The following RBFOX1 variants were observed in gnomAD, a reference collection of about 807,000 sequenced individuals.
RBFOX1 encodes RNA binding fox-1 homolog 1.
A neutral mutation model predicts 57.7 loss-of-function variants in RBFOX1; 8 were observed. That is an observed-to-expected ratio of 0.14 (90% CI 0.08 to 0.25). The LOEUF (loss-of-function observed/expected upper bound fraction) is 0.25, where lower values mean the gene tolerates loss of function less well. Among genes scored for constraint, RBFOX1 ranks in the 10% least tolerant of loss-of-function variants. RBFOX1 has a pLI of 1.00. For synonymous variants in RBFOX1, 326 were observed against 222.4 expected (o/e 1.47, Z -4.15); for missense variants, 611 against 548.5 (o/e 1.11, Z -1.14).
chr16:7,215,506 A>G (rs896308778), intron 4 of RBFOX1, among the ~76,000 whole-genome samples: 1 of 152,166 alleles, frequency 6.6e-6, no homozygotes, highest in African/African-American at 2.4e-5. Flanking sequence ...GCTTTATGAG[A>G]TACGATTTAC....
intron 4 of RBFOX1, among the ~76,000 whole-genome samples, chr16:7,447,929 T>C (rs1598642473): frequency 6.6e-6 from 1 of 152,236 alleles, no homozygotes; most frequent in Admixed American, 6.5e-5. Flanking sequence ...CTGCGTTAAA[T>C]ATGTACATTC....
chr16:6,790,503 G>T (rs1284632156), intron 3 of RBFOX1, among the ~76,000 whole-genome samples: 1 of 151,992 alleles, frequency 6.6e-6, no homozygotes, highest in African/African-American at 2.4e-5. Context: ...CGTTCTTTTT[G>T]TTTTGTTTGC....
intron 4 of RBFOX1, among the ~76,000 whole-genome samples, chr16:7,421,126 A>G (rs1380918244): frequency 1.3e-5 from 2 of 152,082 alleles, no homozygotes; most frequent in African/African-American, 2.4e-5. Context: ...GGTTGGGCCA[A>G]GGTGGAGAAG....
intron 4 of RBFOX1, among the ~76,000 whole-genome samples, chr16:7,136,568 A>C (rs538232349): frequency 6.6e-6 from 1 of 152,024 alleles, no homozygotes; most frequent in South Asian, 2.1e-4. Context: ...CACCACACCT[A>C]GCTAATTAAT....
chr16:6,795,504 A>G (rs776224081), intron 3 of RBFOX1, among the ~76,000 whole-genome samples: 4 of 152,160 alleles, frequency 2.6e-5, no homozygotes, highest in Non-Finnish European at 5.9e-5. Context: ...ACGTTGGCTC[A>G]CGTCTGTAAT....
In RBFOX1 at chr16:7,136,404, A is replaced by ATTTTT. The variant is rs35623726; in HGVS notation, c.27+84324_27+84328dup. Among the ~76,000 whole-genome samples the ATTTTT allele has an allele frequency of 2.3e-3, 251 of 110,926 alleles. 2 individuals carry two copies. The highest frequency in any genetic ancestry group is 8.2e-3 in the African/African-American group (232 of 28,346). 72.8% of individuals were successfully genotyped at this position (110,926 alleles called of 152,430 possible). ...TACAGAACATCTCTATCATCTTGGG[A>ATTTTT]TTTTTTTTTTTTTTTTTTTTTTGAC... On this transcript the variant is annotated intron_variant, in intron 4 of 15. Transcript: ENST00000550418.
At chr16:7,450,852 GC>G (rs1238479030) in intron 4 of RBFOX1, among the ~76,000 whole-genome samples, 1 of 152,118 alleles carries the variant, frequency 6.6e-6, no homozygotes, top group Non-Finnish European at 1.5e-5. Context: ...CATGCGACGG[GC>G]CCAGCATCAG....
At chr16:6,163,912 T>C (rs1050712664) in intron 1 of RBFOX1, among the ~76,000 whole-genome samples, 48 of 152,312 alleles carry the variant, frequency 3.2e-4, no homozygotes, top group African/African-American at 1.0e-3. Flanking sequence ...TGTTTTCTTA[T>C]TGAGTATATT....
intron 3 of RBFOX1, among the ~76,000 whole-genome samples, chr16:6,828,114 A>T (rs891957340): frequency 6.6e-6 from 1 of 152,198 alleles, no homozygotes; most frequent in Non-Finnish European, 1.5e-5. Flanking sequence ...TACAGGTGGC[A>T]TGGGACAGCA....
chr16:5,959,783 G>A (rs919839061), intron 4 of RBFOX1, among the ~76,000 whole-genome samples: 8 of 152,186 alleles, frequency 5.3e-5, no homozygotes, highest in Non-Finnish European at 7.3e-5. Context: ...CTGAACTCCA[G>A]CCTGGCTGAC....
At chr16:5,975,254 GC>G (rs1170128391) in intron 4 of RBFOX1, among the ~76,000 whole-genome samples, 4 of 152,130 alleles carry the variant, frequency 2.6e-5, no homozygotes, top group African/African-American at 9.7e-5. Flanking sequence ...TAACTGCATC[GC>G]TATCCTGCAC....
intron 2 of RBFOX1, chr16:6,483,462 T>A (rs755794552): frequency 7.8e-5 from 120 of 1,535,604 alleles, no homozygotes; most frequent in Admixed American, 9.8e-5. Flanking sequence ...GTGCTGTGTT[T>A]TCCCGGTGAG....
At chr16:5,488,768 T>C (rs2042730674) in intron 2 of RBFOX1, among the ~76,000 whole-genome samples, 1 of 147,794 alleles carries the variant, frequency 6.8e-6, no homozygotes, top group South Asian at 2.2e-4. Flanking sequence ...ATGGTGATGA[T>C]GATGATTATG....
intron 1 of RBFOX1, among the ~76,000 whole-genome samples, chr16:6,272,872 G>T (rs2075352878): frequency 6.6e-6 from 1 of 152,018 alleles, no homozygotes; most frequent in Non-Finnish European, 1.5e-5. Flanking sequence ...AGAGAAACTG[G>T]GAATTCTTGA....
At chr16:5,935,043 G>C (rs2152254737) in intron 4 of RBFOX1, among the ~76,000 whole-genome samples, 1 of 152,324 alleles carries the variant, frequency 6.6e-6, no homozygotes, top group East Asian at 1.9e-4. Context: ...GATTAAACAA[G>C]TGTCTACACC....
At chr16:7,160,256 G>A (rs1473339258) in intron 4 of RBFOX1, among the ~76,000 whole-genome samples, 1 of 151,698 alleles carries the variant, frequency 6.6e-6, no homozygotes, top group Non-Finnish European at 1.5e-5. Context: ...GAGGCCAGAT[G>A]GCATTGTTTT....
At chr16:7,211,311 G>C (rs965525371) in intron 4 of RBFOX1, among the ~76,000 whole-genome samples, 1 of 149,012 alleles carries the variant, frequency 6.7e-6, no homozygotes, top group Admixed American at 6.7e-5. Flanking sequence ...AGAATGGTGT[G>C]AACCTGGGAG....
chr16:6,440,515 G>C (rs999890651), intron 2 of RBFOX1, among the ~76,000 whole-genome samples: 1 of 152,058 alleles, frequency 6.6e-6, no homozygotes, highest in Non-Finnish European at 1.5e-5. Flanking sequence ...AAGACTAAAA[G>C]GATTGGCCGG....
chr16:6,460,760 GA>G (rs1206910608), intron 2 of RBFOX1, among the ~76,000 whole-genome samples: 1 of 146,292 alleles, frequency 6.8e-6, no homozygotes, highest in Non-Finnish European at 1.5e-5. Context: ...ATAGCCAAAG[GA>G]ATATAAATCA....
Sources: allele counts gnomAD v4.1 joint callset (sites outside exome capture counted in the v4.1 genomes callset), GRCh38; gene constraint gnomAD v4.1.1; transcripts MANE v1.5; gene names NCBI Gene and HGNC (gene_info 2026-07-23, HGNC 2026-07-21).